The following BCAS3 variants were observed in gnomAD, a reference collection of about 807,000 sequenced individuals.
BCAS3 encodes the protein BCAS4/BCAS3 fusion.
A neutral mutation model predicts 116.1 loss-of-function variants in BCAS3; 53 were observed. The ratio of observed to expected loss-of-function variants is 0.46; its 90% confidence interval spans 0.37 to 0.57. The LOEUF is 0.57. BCAS3 is among the 20% of genes least tolerant of loss of function. The pLI, the probability that BCAS3 is intolerant of heterozygous loss-of-function variation, is 0.00. For missense variants in BCAS3, 917 were observed against 1,165.4 expected, an observed-to-expected ratio of 0.79 and a Z score of 3.10; for synonymous variants, 391 against 408.2, an observed-to-expected ratio of 0.96 and a Z score of 0.51.
In BCAS3 at chr17:61,251,422, T is replaced by G. The variant is rs1183934110; in HGVS notation, c.2426-116905T>G. 1.3e-5 allele frequency among the ~76,000 whole-genome samples: 2 copies of G among 151,890 alleles called. No homozygotes were observed. The highest frequency in any genetic ancestry group is 4.8e-5 in the African/African-American group (2 of 41,354). ...CGTCTCTACTAAAAATACAAAAAAT[T>G]AGCCGGGCCTGGTGGCGGGCGCCTA... On this transcript the variant is annotated intron_variant, in intron 22 of 23. Transcript: ENST00000407086. This position sits in a 1 kb window ranked among gnomAD's most constrained non-coding sequence, Gnocchi z 4.7.
rs1179339555 is a variant in BCAS3 at position 61,376,029 on chromosome 17, T to C, written c.2593+7535T>C. On this transcript the variant is annotated intron_variant, in intron 23 of 23. Transcript: ENST00000407086. The surrounding 1 kb of genome is among the most constrained non-coding windows in gnomAD (Gnocchi z 4.5). ...GTTAGAATTTTCTGCATCCCACATA[T>C]TTTTAAAATCTGCAATTTAGAGAGA... is the stretch of plus-strand genomic sequence containing the variant. Among the ~76,000 whole-genome samples the C allele has an allele frequency of 6.6e-6, 1 of 152,336 alleles. No individual in the cohort carries two copies. The highest frequency in any genetic ancestry group is 1.9e-4 in the East Asian group (1 of 5,190).
intron 22 of BCAS3, among the ~76,000 whole-genome samples, chr17:61,293,557 T>G (rs2052636659): frequency 6.6e-6 from 1 of 152,232 alleles, no homozygotes; most frequent in South Asian, 2.1e-4. Context: ...GAACAAGGTC[T>G]TCATATTCTG....
chr17:60,818,248 A>G (rs1246527751), intron 7 of BCAS3, among the ~76,000 whole-genome samples: 2 of 152,214 alleles, frequency 1.3e-5, no homozygotes, highest in East Asian at 3.8e-4. Flanking sequence ...AATTCACAAT[A>G]TTAATATTTT....
chr17:61,184,794 T>A (rs762866636), intron 22 of BCAS3, among the ~76,000 whole-genome samples: 9 of 152,088 alleles, frequency 5.9e-5, no homozygotes, highest in Non-Finnish European at 8.8e-5. Context: ...GCAACACAGA[T>A]GAATTTCAAA....
chr17:60,860,149 C>T (rs959710706), intron 7 of BCAS3, among the ~76,000 whole-genome samples: 10 of 152,142 alleles, frequency 6.6e-5, no homozygotes, highest in South Asian at 2.1e-4. Context: ...TCCACAACCT[C>T]GCTAGCATCT....
rs2053972645 is a variant in BCAS3, at chr17:61,307,923, A to G, written c.2426-60404A>G. Among the ~76,000 whole-genome samples the G allele has an allele frequency of 1.3e-5, 2 of 152,186 alleles. No homozygotes were observed. The highest frequency in any genetic ancestry group is 4.1e-4 in the South Asian group (2 of 4,832). ...ACGTGAGCAACCCCAAACAGTATACACCTTGACAATGTGGAGACTCAAGAT... is the reference window on the plus strand; with the variant it reads ...ACGTGAGCAACCCCAAACAGTATACGCCTTGACAATGTGGAGACTCAAGAT... On this transcript the variant is annotated intron_variant, in intron 22 of 23. Coordinates refer to ENST00000407086, the MANE Select transcript of BCAS3 (RefSeq NM_017679.5). This position sits in a 1 kb window ranked among gnomAD's most constrained non-coding sequence, Gnocchi z 4.7.
chr17:60,926,534 G>A (rs998133441), intron 13 of BCAS3, among the ~76,000 whole-genome samples: 3 of 152,072 alleles, frequency 2.0e-5, no homozygotes, highest in Non-Finnish European at 4.4e-5. Context: ...GTAATCAGTA[G>A]GATTGATTTA....
At chr17:60,955,383 T>C (rs1216627384) in intron 14 of BCAS3, among the ~76,000 whole-genome samples, 1 of 148,462 alleles carries the variant, frequency 6.7e-6, no homozygotes, top group Non-Finnish European at 1.5e-5. Flanking sequence ...TCAGGGAAAC[T>C]GAATTTTTTT....
intron 14 of BCAS3, among the ~76,000 whole-genome samples, chr17:60,948,574 C>T (rs1028408843): frequency 6.6e-6 from 1 of 152,140 alleles, no homozygotes. Flanking sequence ...CCATTTGACC[C>T]TACTCTATTT....
At chr17:61,031,822 A>G (rs1350489623) in intron 16 of BCAS3, among the ~76,000 whole-genome samples, 1 of 152,156 alleles carries the variant, frequency 6.6e-6, no homozygotes, top group Non-Finnish European at 1.5e-5. Context: ...AAATGATGAA[A>G]TATAAAAATA....
chr17:61,154,857 A>G (rs2077742065), intron 22 of BCAS3, among the ~76,000 whole-genome samples: 2 of 152,206 alleles, frequency 1.3e-5, no homozygotes, highest in South Asian at 4.1e-4. Context: ...TGAAGGCACT[A>G]AATATATTTT....
At position 61,200,506 on chromosome 17, in the gene BCAS3, G is replaced by A. The variant is rs2080756200; in HGVS notation, c.2425+115942G>A. Among the ~76,000 whole-genome samples, 1 of 152,198 alleles carries A rather than the reference G, an allele frequency of 6.6e-6. No homozygotes were observed. Among genetic ancestry groups the A allele is most frequent in the Admixed American group, 6.5e-5 (1 of 15,278 alleles). The stretch of plus-strand genomic sequence containing the variant: ...GCCCTCGGCTTGCCGAAGGCCGTAT[G>A]GTAAATCAATGACCGAGCTGGTGTG... On this transcript the variant is annotated intron_variant, in intron 22 of 23. Coordinates refer to ENST00000407086, the MANE Select transcript of BCAS3 (RefSeq NM_017679.5). The surrounding 1 kb of genome is among the most constrained non-coding windows in gnomAD (Gnocchi z 5.1).
At chr17:60,983,728 T>A (rs896861482) in intron 14 of BCAS3, among the ~76,000 whole-genome samples, 1 of 152,224 alleles carries the variant, frequency 6.6e-6, no homozygotes, top group Non-Finnish European at 1.5e-5. Flanking sequence ...TGGAAAAAGA[T>A]GTTAGATAAC....
intron 22 of BCAS3, among the ~76,000 whole-genome samples, chr17:61,167,654 AC>A (rs983121225): frequency 6.6e-6 from 1 of 152,224 alleles, no homozygotes; most frequent in African/African-American, 2.4e-5. Flanking sequence ...AAAAAACTGG[AC>A]TACAAGGTAA....
chr17:61,000,338 C>A (rs1421658203), intron 15 of BCAS3, among the ~76,000 whole-genome samples: 2 of 152,038 alleles, frequency 1.3e-5, no homozygotes, highest in African/African-American at 4.8e-5. Flanking sequence ...TAAGTTAAAA[C>A]TTTCTTGGTG....
chr17:60,681,492 C>G (rs1000225241), intron 2 of BCAS3, among the ~76,000 whole-genome samples: 1 of 151,302 alleles, frequency 6.6e-6, no homozygotes, highest in African/African-American at 2.4e-5. Context: ...AAGAGCAAGA[C>G]TTCATTTCCA....
rs751620158 is a variant in BCAS3, at chr17:61,251,294, G to T, written c.2426-117033G>T. On this transcript the variant is annotated intron_variant, in intron 22 of 23. Coordinates refer to ENST00000407086, the MANE Select transcript of BCAS3 (RefSeq NM_017679.5). The surrounding 1 kb of genome is among the most constrained non-coding windows in gnomAD (Gnocchi z 4.7). The stretch of plus-strand genomic sequence containing the variant: ...CTTGCTGAAAAAAAGACTGGGCTGG[G>T]TGTGGTGGCTCATGCCTGTAATCCC... 1.3e-5 allele frequency among the ~76,000 whole-genome samples: 2 copies of T among 152,198 alleles called. No homozygotes were observed. Among genetic ancestry groups the T allele is most frequent in the Non-Finnish European group, 2.9e-5 (2 of 68,030 alleles).
At chr17:61,218,893 C>T (rs1013023213) in intron 22 of BCAS3, among the ~76,000 whole-genome samples, 1 of 152,142 alleles carries the variant, frequency 6.6e-6, no homozygotes, top group South Asian at 2.1e-4. Context: ...CTACATTAAA[C>T]ATAGGAGAAC....
intron 12 of BCAS3, among the ~76,000 whole-genome samples, chr17:60,924,020 T>C (rs1360294647): frequency 1.3e-5 from 2 of 152,204 alleles, no homozygotes; most frequent in African/African-American, 4.8e-5. Context: ...AATTGTGATT[T>C]CCCAGCAGAT....
Sources: gnomAD v4.1 joint callset for allele counts (sites outside exome capture counted in the v4.1 genomes callset) on GRCh38, gnomAD v4.1.1 for gene constraint, Gnocchi (gnomAD v3.1) non-coding constraint, MANE v1.5 for transcripts, NCBI Gene and HGNC (gene_info 2026-07-23, HGNC 2026-07-21) for gene names.